Variants in UAP1L1 observed in about 807,000 individuals in gnomAD.
UAP1L1 encodes UDP-N-acetylhexosamine pyrophosphorylase-like protein 1.
In UAP1L1, 45 loss-of-function variants were observed where a neutral mutation model predicts 45.3. That is an observed-to-expected ratio of 0.99 (90% confidence interval 0.78 to 1.27). The LOEUF (loss-of-function observed/expected upper bound fraction) is 1.27. Ranked by LOEUF, UAP1L1 falls within the 50% of genes most tolerant of loss-of-function variation. UAP1L1 has a pLI of 0.00. For synonymous variants in UAP1L1, 323 were observed against 303.9 expected, an observed-to-expected ratio of 1.06 and a Z score of -0.65; for missense variants, 667 against 694.0, an observed-to-expected ratio of 0.96 and a Z score of 0.44.
At position 137,080,132 on chromosome 9, in the gene UAP1L1, C is replaced by T. The variant is rs199583531; in HGVS notation, c.1168C>T (p.Arg390Trp). Residue 390 changes from arginine to tryptophan, a missense_variant, in exon 6 of 9, where the codon CGG (arginine) becomes TGG (tryptophan). Physicochemically the swap from Arg to Trp is moderately radical, Grantham distance 101. Coordinates refer to ENST00000409858, the MANE Select transcript of UAP1L1 (RefSeq NM_207309.3). ...GGAGAAGTTTGTGTTTGATGTGTTC[C>T]GGTTTGCTAAGTTAGTAGTAGAACT... is the stretch of plus-strand genomic sequence containing the variant. ...KMEKFVFDVFRFAKNFAALEV... is the reference protein window; with the variant it reads ...KMEKFVFDVFWFAKNFAALEV... The T allele has an allele frequency of 4.3e-4, 686 of 1,614,074 alleles. No homozygotes were observed. The highest frequency in any genetic ancestry group is 5.4e-4 in the Non-Finnish European group (632 of 1,179,960).
intron 6 of UAP1L1, 22 bp downstream of exon 6, chr9:137,080,164 T>C: frequency 6.2e-7 from 1 of 1,612,620 alleles, no homozygotes; most frequent in Non-Finnish European, 8.5e-7. Context: ...AACTCATTTA[T>C]TTTCCCCTTC....
Position 137,082,124 on chromosome 9 carries a change from G to C in UAP1L1, c.1431+60G>C, listed in dbSNP as rs1832797191. The C allele has an allele frequency of 1.9e-6, 3 of 1,550,008 alleles. No homozygotes were observed. In the African/African-American group the frequency reaches 4.1e-5, roughly 21 times the overall value. On this transcript the variant is annotated intron_variant, in intron 8 of 8. Transcript: ENST00000409858. The surrounding 1 kb of genome is among the most constrained non-coding windows in gnomAD (Gnocchi z 5.7). ...GGTGTCAGGTTTGGAATACCATCTG[G>C]GGAGAGGTGGCTGCTCGGGTGGAGA... is the stretch of plus-strand genomic sequence containing the variant.
chr9:137,077,752 C>T lies in UAP1L1; in HGVS notation c.220C>T (p.Leu74=). Residue 74 remains leucine (L), a synonymous_variant, in exon 1 of 9, where the codon CTG becomes TTG. Transcript: ENST00000409858. The surrounding 1 kb of genome is among the most constrained non-coding windows in gnomAD (Gnocchi z 4.7). ...CGACTTGGCCGCGCGCCTGCGGCCC[C>T]TGCCCCCAGAGCGCGTGGGCAGGGC... ...PPDLAARLRP[L]PPERVGRASR... 1 of 1,233,854 alleles carries T rather than the reference C, an allele frequency of 8.1e-7. No individual in the cohort carries two copies. The highest frequency in any genetic ancestry group is 1.0e-6 in the Non-Finnish European group (1 of 988,320). The allele number at this position is 1,233,854 out of a possible 1,614,324, so 76.4% of individuals were successfully genotyped here.
chr9:137,079,695 C>A, intron 5 of UAP1L1: 4 of 584,536 alleles, frequency 6.8e-6, no homozygotes, highest in Non-Finnish European at 1.2e-5. Flanking sequence ...ATCAAGTCTG[C>A]CATCTCCTCC....
chr9:137,081,775 T>C (rs1003484819), intron 7 of UAP1L1, among the ~76,000 whole-genome samples: 2 of 152,170 alleles, frequency 1.3e-5, no homozygotes, highest in Non-Finnish European at 2.9e-5. Context: ...AGGCTCTGCG[T>C]GGGAGGCCTG....
chr9:137,078,886 G>C, intron 3 of UAP1L1, 90 bp from the exon 4 acceptor site: 1 of 1,468,874 alleles, frequency 6.8e-7, no homozygotes, highest in Non-Finnish European at 9.1e-7. Flanking sequence ...GCACAAGGCC[G>C]GGGCTTCCCC....
chr9:137,079,668 T>G (rs1207825922), intron 5 of UAP1L1: 2 of 594,980 alleles, frequency 3.4e-6, no homozygotes, highest in Admixed American at 3.2e-5. Flanking sequence ...AGCAGGCAGC[T>G]GCTGTAAGGC....
At chr9:137,079,480 G>T (rs760283439) in intron 5 of UAP1L1, 31 bp downstream of exon 5, 1 of 1,558,212 alleles carries the variant, frequency 6.4e-7, no homozygotes, top group African/African-American at 1.4e-5. Context: ...GCGGATTGCC[G>T]GCCAGAGCCG....
At chr9:137,079,577 C>A in intron 5 of UAP1L1, 128 bp downstream of exon 5, 1 of 876,422 alleles carries the variant, frequency 1.1e-6, no homozygotes, top group Non-Finnish European at 1.7e-6. Context: ...TGTGGTCAGG[C>A]ACGGCTGATG....
chr9:137,080,374 C>T, intron 6 of UAP1L1: 1 of 602,808 alleles, frequency 1.7e-6, no homozygotes, highest in Non-Finnish European at 2.9e-6. Context: ...GTGCCACCTC[C>T]CGGACCTTCC....
At position 137,083,742 on chromosome 9, in the gene UAP1L1, T is replaced by G. The variant is rs1009879944; in HGVS notation, c.*1013T>G. 2 of 152,236 alleles carry G rather than the reference T, an allele frequency of 1.3e-5. No homozygotes were observed. The highest frequency in any genetic ancestry group is 1.3e-4 in the Admixed American group (2 of 15,280). The allele number at this position is 152,236 out of a possible 1,614,324, so 9.4% of individuals were successfully genotyped here. A position where few individuals can be genotyped will look rare whatever the true frequency, so the allele number is the denominator to read the frequency against. On this transcript the variant is annotated 3_prime_UTR_variant, in exon 9 of 9. Coordinates refer to ENST00000409858, the MANE Select transcript of UAP1L1 (RefSeq NM_207309.3). The stretch of plus-strand genomic sequence containing the variant: ...TCTTCCCCTGGTGATTCTCGCCTGC[T>G]TTCTCATCTCAGGGGAGGCAGTGGC...
At chr9:137,080,310 C>A in intron 6 of UAP1L1, 168 bp downstream of exon 6, 1 of 831,978 alleles carries the variant, frequency 1.2e-6, no homozygotes, top group Non-Finnish European at 1.9e-6. Context: ...GGTAAGCAGC[C>A]CCTGAGGTGG....
chr9:137,079,480 G>A (rs760283439), intron 5 of UAP1L1, 31 bp downstream of exon 5: 4 of 1,558,330 alleles, frequency 2.6e-6, no homozygotes, highest in Non-Finnish European at 3.5e-6. Flanking sequence ...GCGGATTGCC[G>A]GCCAGAGCCG....
intron 5 of UAP1L1, 56 bp downstream of exon 5, chr9:137,079,505 G>A: frequency 7.3e-6 from 11 of 1,514,178 alleles, no homozygotes; most frequent in Non-Finnish European, 9.8e-6. Context: ...CGTTGACCAG[G>A]GACCCGCGGG....
chr9:137,078,251 C>G lies in UAP1L1; in HGVS notation c.491C>G (p.Pro164Arg). Reference protein sequence around the residue: ...GERHGTRCTVPWYVMTSEFTL... With the variant: ...GERHGTRCTVRWYVMTSEFTL... ...CGCCACGGGACCCGCTGCACCGTCC[C>G]CTGGTGTGTCCTGCCTGCCCTACCT... The change falls in exon 2 of 9, where the codon CCC becomes CGC. Residue 164 changes from proline to arginine, a missense_variant. Transcript: ENST00000409858. 5 of 1,540,506 alleles carry G rather than the reference C, an allele frequency of 3.2e-6. No individual in the cohort carries two copies. Among genetic ancestry groups the G allele is most frequent in the Non-Finnish European group, 3.5e-6 (4 of 1,142,210 alleles).
Position 137,077,955 on chromosome 9 carries a change from C to T in UAP1L1, c.290-95C>T, listed in dbSNP as rs1832718397. 1.3e-6 allele frequency: 2 copies of T among 1,528,870 alleles called. No homozygotes were observed. Among genetic ancestry groups the T allele is most frequent in the Admixed American group, 2.0e-5 (1 of 50,052 alleles). 94.7% of individuals were successfully genotyped at this position (1,528,870 alleles called of 1,614,324 possible). A position where few individuals can be genotyped will look rare whatever the true frequency, so the allele number is the denominator to read the frequency against. On this transcript the variant is annotated intron_variant, in intron 1 of 8. Transcript: ENST00000409858. This position sits in a 1 kb window ranked among gnomAD's most constrained non-coding sequence, Gnocchi z 4.7. ...GTGTCTCGCCTCACGCGTTCCGGCCCCCGAGTCCTGGCGCCCCAGCCCCAG... is the reference window on the plus strand; with the variant it reads ...GTGTCTCGCCTCACGCGTTCCGGCCTCCGAGTCCTGGCGCCCCAGCCCCAG...
chr9:137,078,879 CA>C, intron 3 of UAP1L1, 96 bp from the exon 4 acceptor site: 1 of 1,444,384 alleles, frequency 6.9e-7, no homozygotes, highest in Non-Finnish European at 9.2e-7. Flanking sequence ...GCCTTAGGCA[CA>C]AGGCCGGGGC....
At chr9:137,079,188 G>GC (rs1564266797) in intron 4 of UAP1L1, 40 bp downstream of exon 4, 1 of 1,592,692 alleles carries the variant, frequency 6.3e-7, no homozygotes, top group South Asian at 1.1e-5. Context: ...CCCGAGGCTG[G>GC]CCCCGCCCCT....
chr9:137,082,145 G>A lies in UAP1L1; in HGVS notation c.1431+81G>A. On this transcript the variant is annotated intron_variant, in intron 8 of 8. Transcript: ENST00000409858. The surrounding 1 kb of genome is among the most constrained non-coding windows in gnomAD (Gnocchi z 5.7). ...TCTGGGGAGAGGTGGCTGCTCGGGT[G>A]GAGACGGCACAGCTCTACCTCGGTT... The A allele has an allele frequency of 7.4e-7, 1 of 1,360,132 alleles. No homozygotes were observed. Among genetic ancestry groups the A allele is most frequent in the Non-Finnish European group, 1.1e-6 (1 of 948,636 alleles). The allele number at this position is 1,360,132 out of a possible 1,614,324, so 84.3% of individuals were successfully genotyped here.
Sources: gnomAD v4.1 joint callset for allele counts (sites outside exome capture counted in the v4.1 genomes callset) on GRCh38, gnomAD v4.1.1 for gene constraint, Gnocchi (gnomAD v3.1) non-coding constraint, MANE v1.5 for transcripts, NCBI Gene and HGNC (gene_info 2026-07-23, HGNC 2026-07-21) for gene names.